The following STPG2 variants were observed in gnomAD, a reference collection of about 807,000 sequenced individuals.
STPG2 encodes sperm tail PG-rich repeat containing 2.
A neutral mutation model predicts 54.2 loss-of-function variants in STPG2; 56 were observed. That is an observed-to-expected ratio of 1.03 (90% CI 0.83 to 1.29). The LOEUF is 1.29. Ranked by LOEUF, STPG2 falls within the 50% of genes most tolerant of loss-of-function variation. The pLI is 0.00. For missense variants in STPG2, 596 were observed against 544.9 expected (o/e 1.09, Z -0.93); for synonymous variants, 200 against 181.8 (o/e 1.10, Z -0.81).
rs139777198 is a variant in STPG2 at position 97,655,916 on chromosome 4, A to G, written c.1320+56783T>C. ...TAATTTAGGACACACCTTTTGTTCT[A>G]AATTATTAAGTAATACTGTTATTTC... is the stretch of plus-strand genomic sequence containing the variant. On this transcript the variant is annotated intron_variant, in intron 10 of 10. Transcript: ENST00000295268. Among the ~76,000 whole-genome samples the G allele has an allele frequency of 3.3e-5, 5 of 152,288 alleles. No individual in the cohort carries two copies. In the East Asian group the frequency reaches 7.7e-4, roughly 24 times the overall value.
chr4:97,851,218 G>T (rs1729149419), intron 8 of STPG2, among the ~76,000 whole-genome samples: 1 of 152,166 alleles, frequency 6.6e-6, no homozygotes, highest in Admixed American at 6.6e-5. Context: ...TGAGTGTTCA[G>T]AAAGCCTCTA....
At position 97,722,058 on chromosome 4, in the gene STPG2, C is replaced by A. The variant is rs1724466130; in HGVS notation, c.1205-9244G>T. Among the ~76,000 whole-genome samples, 3 of 145,356 alleles carry A rather than the reference C, an allele frequency of 2.1e-5. No homozygotes were observed. The South Asian group carries it at 6.3e-4, about 30-fold the overall frequency. ...GCTAATTATCACAATGTCCCCCTCC[C>A]CTCCTTTTTTTTTCTTTTTAACAAT... is the stretch of plus-strand genomic sequence containing the variant. On this transcript the variant is annotated intron_variant, in intron 9 of 10. Coordinates refer to ENST00000295268, the MANE Select transcript of STPG2 (RefSeq NM_174952.3).
At chr4:97,484,109 T>A (rs1020421327) in intron 4 of STPG2, among the ~76,000 whole-genome samples, 1 of 151,438 alleles carries the variant, frequency 6.6e-6, no homozygotes, top group Non-Finnish European at 1.5e-5. Context: ...CCCAAATGCC[T>A]CCATTAAAAA....
chr4:97,798,669 G>A (rs1378197774), intron 9 of STPG2, among the ~76,000 whole-genome samples: 2 of 128,182 alleles, frequency 1.6e-5, no homozygotes, highest in African/African-American at 3.0e-5. Context: ...GTTGATTTGG[G>A]GTGGAGCATT....
chr4:98,026,747 G>A (rs545541231), intron 5 of STPG2, among the ~76,000 whole-genome samples: 80 of 152,140 alleles, frequency 5.3e-4, no homozygotes, highest in African/African-American at 1.6e-3. Context: ...TCTTAGGAGC[G>A]GGAGGTGATT....
intron 5 of STPG2, among the ~76,000 whole-genome samples, chr4:97,981,618 T>C (rs1734678148): frequency 6.6e-6 from 1 of 151,804 alleles, no homozygotes; most frequent in Non-Finnish European, 1.5e-5. Flanking sequence ...ATAATGATCA[T>C]ACTTAAAATA....
In STPG2 at chr4:97,821,469, A is replaced by G. The variant is rs185736212; in HGVS notation, c.1204+19304T>C. On this transcript the variant is annotated intron_variant, in intron 9 of 10. Coordinates refer to ENST00000295268, the MANE Select transcript of STPG2 (RefSeq NM_174952.3). ...CTGCAAGTGGATCTATCATTCTGGC[A>G]TCTGGAGGACAATGGCCCCCTTCCC... Among the ~76,000 whole-genome samples the G allele has an allele frequency of 4.2e-3, 642 of 152,256 alleles. 3 individuals carry two copies. The highest frequency in any genetic ancestry group is 0.024 in the South Asian group (117 of 4,826).
chr4:98,027,451 C>A (rs1736460822), intron 5 of STPG2, among the ~76,000 whole-genome samples: 1 of 152,108 alleles, frequency 6.6e-6, no homozygotes, highest in South Asian at 2.1e-4. Flanking sequence ...GCTCAAAGAA[C>A]CCAAATTCAC....
At chr4:97,885,308 A>G (rs1441655407) in intron 8 of STPG2, among the ~76,000 whole-genome samples, 1 of 152,186 alleles carries the variant, frequency 6.6e-6, no homozygotes, top group African/African-American at 2.4e-5. Context: ...CAACCATAAA[A>G]TAGTATGTGA....
intron 4 of STPG2, among the ~76,000 whole-genome samples, chr4:97,535,703 A>G (rs1434325592): frequency 6.6e-6 from 1 of 152,168 alleles, no homozygotes; most frequent in Non-Finnish European, 1.5e-5. Flanking sequence ...AATAATTATC[A>G]TGCACTTGGT....
intron 8 of STPG2, among the ~76,000 whole-genome samples, chr4:97,884,553 C>T (rs954058373): frequency 1.8e-4 from 28 of 152,246 alleles, no homozygotes; most frequent in African/African-American, 6.0e-4. Flanking sequence ...TTCGCTCTTG[C>T]ACTTCTAGCC....
At chr4:97,918,581 G>A (rs6839343) in intron 8 of STPG2, among the ~76,000 whole-genome samples, 112,139 of 151,722 alleles carry the variant, frequency 0.74, 42,500 homozygotes, top group African/African-American at 0.91. Flanking sequence ...ATGTGTATAT[G>A]TATACACATA....
chr4:97,724,960 C>G (rs181743366), intron 9 of STPG2, among the ~76,000 whole-genome samples: 39 of 151,924 alleles, frequency 2.6e-4, no homozygotes, highest in African/African-American at 8.9e-4. Flanking sequence ...ATGAGAATAC[C>G]CTAGAAAACA....
At chr4:97,956,831 C>T (rs185050881) in intron 7 of STPG2, among the ~76,000 whole-genome samples, 10 of 152,214 alleles carry the variant, frequency 6.6e-5, no homozygotes, top group Admixed American at 5.9e-4. Flanking sequence ...TGAAAACAGC[C>T]TTGAGTCCTA....
intron 10 of STPG2, among the ~76,000 whole-genome samples, chr4:97,698,863 C>T (rs1723673077): frequency 6.6e-6 from 1 of 152,270 alleles, no homozygotes; most frequent in South Asian, 2.1e-4. Flanking sequence ...ATTCCATGAA[C>T]ATGAGCCCAC....
intron 4 of STPG2, among the ~76,000 whole-genome samples, chr4:97,489,408 G>A (rs371839128): frequency 2.2e-4 from 34 of 151,812 alleles, no homozygotes; most frequent in Admixed American, 4.0e-4. Context: ...CCAGAGTAAC[G>A]TAGCACTGGT....
chr4:97,835,219 C>T (rs954288699), intron 9 of STPG2, among the ~76,000 whole-genome samples: 2 of 152,098 alleles, frequency 1.3e-5, no homozygotes, highest in Non-Finnish European at 2.9e-5. Flanking sequence ...GACCTTTGGT[C>T]ATCCTCACTG....
At chr4:97,908,557 C>T (rs1228758855) in intron 8 of STPG2, among the ~76,000 whole-genome samples, 1 of 152,048 alleles carries the variant, frequency 6.6e-6, no homozygotes, top group Non-Finnish European at 1.5e-5. Flanking sequence ...TATAAAGACA[C>T]ATGCACACAT....
At chr4:97,632,160 T>C (rs1413274387) in intron 10 of STPG2, among the ~76,000 whole-genome samples, 1 of 152,056 alleles carries the variant, frequency 6.6e-6, no homozygotes, top group Non-Finnish European at 1.5e-5. Context: ...TAAGTTATCC[T>C]TTTTATGGCA....
Sources: gnomAD v4.1 joint callset for allele counts (sites outside exome capture counted in the v4.1 genomes callset) on GRCh38, gnomAD v4.1.1 for gene constraint, MANE v1.5 for transcripts, NCBI Gene and HGNC (gene_info 2026-07-23, HGNC 2026-07-21) for gene names.